The following TEX11 variants were observed in gnomAD, a reference collection of about 807,000 sequenced individuals.
TEX11 encodes the protein testis expressed 11, also known as testis-expressed protein 11.
TEX11 carries 7 observed loss-of-function variants against 84.4 expected under a neutral mutation model. The ratio of observed to expected loss-of-function variants is 0.08; its 90% CI spans 0.05 to 0.16. The LOEUF (loss-of-function observed/expected upper bound fraction) is 0.16. Ranked by LOEUF, TEX11 falls within the 10% of genes least tolerant of loss-of-function variation. TEX11 has a pLI of 1.00. For synonymous variants in TEX11, 264 were observed against 222.8 expected (o/e 1.18, Z -1.64); for missense variants, 551 against 660.5 (o/e 0.83, Z 1.82).
At chrX:70,828,255 A>G (rs925597930) in intron 8 of TEX11, among the ~76,000 whole-genome samples, 1 of 111,301 alleles carries the variant, frequency 9.0e-6, no homozygotes, top group Non-Finnish European at 1.9e-5. Flanking sequence ...GGCACCAGGG[A>G]CCAGTTCTGC....
chrX:70,543,188 A>C (rs1349614109), intron 28 of TEX11, among the ~76,000 whole-genome samples: 2 of 111,936 alleles, frequency 1.8e-5, no homozygotes, highest in African/African-American at 6.5e-5. Flanking sequence ...TCTCAAAAAA[A>C]TAAATAAATA....
At chrX:70,839,732 A>G (rs1408135369) in intron 7 of TEX11, among the ~76,000 whole-genome samples, 2 of 111,246 alleles carry the variant, frequency 1.8e-5, no homozygotes, top group Admixed American at 9.7e-5. Context: ...AAAGAAGTTA[A>G]AAGCTTTGAA....
chrX:70,855,505 G>A (rs988297155), intron 5 of TEX11, among the ~76,000 whole-genome samples: 2 of 109,327 alleles, frequency 1.8e-5, no homozygotes, highest in Non-Finnish European at 3.8e-5. Flanking sequence ...GGTGGAGGTT[G>A]TAGTGAGCTG....
intron 4 of TEX11, among the ~76,000 whole-genome samples, chrX:70,868,380 A>T (rs779724055): frequency 8.9e-6 from 1 of 111,734 alleles, no homozygotes; most frequent in South Asian, 3.8e-4. Context: ...GAAACAAGAG[A>T]TGCTGGTGAG....
At chrX:70,721,731 G>A (rs59398672) in intron 13 of TEX11, among the ~76,000 whole-genome samples, 171 of 111,729 alleles carry the variant, frequency 1.5e-3, no homozygotes, top group African/African-American at 4.9e-3. Flanking sequence ...ATTAGTCTAC[G>A]GCTACTTTTG....
intron 28 of TEX11, among the ~76,000 whole-genome samples, chrX:70,550,788 G>C (rs1603051968): frequency 9.0e-6 from 1 of 111,613 alleles, no homozygotes; most frequent in East Asian, 2.8e-4. Flanking sequence ...GGGAACCCTT[G>C]CACACTGTTG....
At chrX:70,551,367 A>T (rs1329027123) in intron 28 of TEX11, among the ~76,000 whole-genome samples, 1 of 111,186 alleles carries the variant, frequency 9.0e-6, no homozygotes, top group Non-Finnish European at 1.9e-5. Context: ...TTAATTGTAC[A>T]TTTTAAAAAA....
rs1491328054 is a variant in TEX11, at chrX:70,625,777, T to TTTTTC, written c.1609-854_1609-853insGAAAA. Among the ~76,000 whole-genome samples the TTTTTC allele has an allele frequency of 1.2e-4, 4 of 33,928 alleles. No homozygotes were observed. In the African/African-American group the frequency reaches 1.2e-3, roughly 10 times the overall value. The allele number at this position is 33,928 out of a possible 115,157, so 29.5% of individuals were successfully genotyped here. ...TTTTGGCATTTTCTTTTTCTTTTTC[T>TTTTTC]TTTTTTTTTTTTTAAGATGGATTCT... On this transcript the variant is annotated intron_variant, in intron 18 of 29. Transcript: ENST00000374333.
intron 16 of TEX11, among the ~76,000 whole-genome samples, chrX:70,658,378 C>T (rs1275890095): frequency 9.0e-6 from 1 of 111,571 alleles, no homozygotes; most frequent in Non-Finnish European, 1.9e-5. Flanking sequence ...GATAGCACAA[C>T]TGCTCTCCAG....
chrX:70,793,885 C>G (rs1448606175), intron 9 of TEX11, among the ~76,000 whole-genome samples: 1 of 108,334 alleles, frequency 9.2e-6, no homozygotes, highest in Non-Finnish European at 1.9e-5. Flanking sequence ...AAAAAAGGCT[C>G]TTAGAACTAA....
chrX:70,746,511 T>C (rs755411468), intron 9 of TEX11, among the ~76,000 whole-genome samples: 1 of 111,716 alleles, frequency 9.0e-6, no homozygotes, highest in Non-Finnish European at 1.9e-5. Context: ...TTTACTAATA[T>C]GGTAGGGGTG....
intron 9 of TEX11, among the ~76,000 whole-genome samples, chrX:70,785,156 C>T (rs1337980160): frequency 1.1e-4 from 12 of 111,253 alleles, no homozygotes; most frequent in Non-Finnish European, 2.3e-4. Context: ...AGAACAGAGG[C>T]CTCAGAAATA....
chrX:70,729,724 C>T (rs866174164), intron 11 of TEX11, among the ~76,000 whole-genome samples: 1 of 111,285 alleles, frequency 9.0e-6, no homozygotes, highest in African/African-American at 3.3e-5. Flanking sequence ...AACCAAGTTG[C>T]AAAACACTCT....
intron 16 of TEX11, among the ~76,000 whole-genome samples, chrX:70,661,172 C>T (rs778526497): frequency 1.8e-5 from 2 of 112,029 alleles, no homozygotes; most frequent in Admixed American, 1.9e-4. Flanking sequence ...AGGTCACTCC[C>T]ACCATAATAC....
At chrX:70,547,746 G>A (rs1386600657) in intron 28 of TEX11, among the ~76,000 whole-genome samples, 9 of 111,691 alleles carry the variant, frequency 8.1e-5, no homozygotes, top group East Asian at 5.6e-4. Context: ...TTAGAATGGC[G>A]ATCATTAAAA....
At chrX:70,879,103 C>T (rs1321269548) in intron 3 of TEX11, among the ~76,000 whole-genome samples, 2 of 110,697 alleles carry the variant, frequency 1.8e-5, no homozygotes, top group African/African-American at 6.6e-5. Flanking sequence ...TAGTGGTTGC[C>T]TAGGGCTGAG....
At chrX:70,556,333 A>T (rs766198394) in intron 25 of TEX11, among the ~76,000 whole-genome samples, 1 of 110,598 alleles carries the variant, frequency 9.0e-6, no homozygotes, top group Admixed American at 9.7e-5. Context: ...TCATTCAATT[A>T]AAAAAAATTC....
At chrX:70,739,105 A>G (rs777749599) in intron 11 of TEX11, among the ~76,000 whole-genome samples, 1 of 111,950 alleles carries the variant, frequency 8.9e-6, no homozygotes, top group East Asian at 2.8e-4. Context: ...GTATCCTAGA[A>G]CTTAAAGTAA....
At chrX:70,890,567 T>C (rs970092933) in intron 2 of TEX11, among the ~76,000 whole-genome samples, 10 of 112,787 alleles carry the variant, frequency 8.9e-5, no homozygotes, top group African/African-American at 3.2e-4. Context: ...ATGCCTGGCT[T>C]GGCAGGTCCC....
Sources: allele counts gnomAD v4.1 joint callset (sites outside exome capture counted in the v4.1 genomes callset), GRCh38; gene constraint gnomAD v4.1.1; transcripts MANE v1.5; gene names NCBI Gene and HGNC (gene_info 2026-07-23, HGNC 2026-07-21).